RASSF3: variants seen among roughly 807,000 people sequenced by gnomAD.
RASSF3 encodes the protein Ras association domain family member 3.
RASSF3 carries 19 observed loss-of-function variants against 19.9 expected under a neutral mutation model. That is an observed-to-expected ratio of 0.96 (90% confidence interval 0.67 to 1.40). The LOEUF (loss-of-function observed/expected upper bound fraction) is 1.40. Ranked by LOEUF, RASSF3 falls within the 40% of genes most tolerant of loss-of-function variation. The pLI, the probability that RASSF3 is intolerant of heterozygous loss-of-function variation, is 0.00. For missense variants in RASSF3, 306 were observed against 289.8 expected (o/e 1.06, Z -0.41); for synonymous variants, 110 against 104.2 (o/e 1.06, Z -0.34).
chr12:64,682,352 A>G (rs1873159878), intron 1 of RASSF3, among the ~76,000 whole-genome samples: 1 of 152,106 alleles, frequency 6.6e-6, no homozygotes, highest in Admixed American at 6.5e-5. Flanking sequence ...CGGGCGGATC[A>G]CAAGGTCAGG....
chr12:64,568,903 G>T (rs1046407406), intron 2 of RASSF3, among the ~76,000 whole-genome samples: 1 of 152,022 alleles, frequency 6.6e-6, no homozygotes, highest in African/African-American at 2.4e-5. Flanking sequence ...GTAGAGACAG[G>T]GTTTCACCAT....
upstream of RASSF3, among the ~76,000 whole-genome samples, chr12:64,528,947 G>A (rs1273700587): frequency 6.6e-6 from 1 of 152,218 alleles, no homozygotes; most frequent in African/African-American, 2.4e-5. Context: ...AGGTTACTCA[G>A]CCTTTCGGAA....
intron 2 of RASSF3, among the ~76,000 whole-genome samples, chr12:64,588,789 T>C (rs550228686): frequency 1.8e-4 from 28 of 152,304 alleles, no homozygotes; most frequent in African/African-American, 6.7e-4. Flanking sequence ...AATGAGCATT[T>C]CTCCGTGGTT....
At chr12:64,582,544 C>A (rs1444926109) in intron 2 of RASSF3, among the ~76,000 whole-genome samples, 2 of 152,152 alleles carry the variant, frequency 1.3e-5, no homozygotes, top group African/African-American at 4.8e-5. Flanking sequence ...AGATTGGAAA[C>A]AAAGTCTCGT....
intron 2 of RASSF3, among the ~76,000 whole-genome samples, chr12:64,563,411 C>T (rs1224138027): frequency 6.6e-6 from 1 of 152,028 alleles, no homozygotes; most frequent in East Asian, 1.9e-4. Context: ...CTCAGGTGAT[C>T]CTCCCACCTC....
At chr12:64,536,058 G>A (rs569979892) in intron 1 of RASSF3, among the ~76,000 whole-genome samples, 1 of 146,226 alleles carries the variant, frequency 6.8e-6, no homozygotes, top group Admixed American at 7.0e-5. Flanking sequence ...GAGTGCAGTG[G>A]CACAATCTCA....
chr12:64,641,414 A>ACACACACACGCGCGCGCGCGCGCGCG, intron 1 of RASSF3, among the ~76,000 whole-genome samples: 1 of 142,100 alleles, frequency 7.0e-6, no homozygotes, highest in African/African-American at 2.8e-5. Flanking sequence ...ACACACACAC[A>ACACACACACGCGCGCGCGCGCGCGCG]CGCGCGCGCG....
chr12:64,681,640 T>G (rs1394487536), intron 1 of RASSF3, among the ~76,000 whole-genome samples: 2 of 152,246 alleles, frequency 1.3e-5, no homozygotes, highest in African/African-American at 4.8e-5. Context: ...CTACCTCATT[T>G]TCTTCTTCAG....
In RASSF3 at chr12:64,642,961, G is replaced by T. The variant is rs77993948; in HGVS notation, c.111+32218G>T. On this transcript the variant is annotated intron_variant, in intron 1 of 4. Coordinates refer to ENST00000542104, the MANE Select transcript of RASSF3 (RefSeq NM_178169.4). ...GCTCACTGCAACCTCCGCCTCTGGGGTTCAAGTGATTCTCGTGCCTCAGCC... is the reference window on the plus strand; with the variant it reads ...GCTCACTGCAACCTCCGCCTCTGGGTTTCAAGTGATTCTCGTGCCTCAGCC... Among the ~76,000 whole-genome samples the T allele has an allele frequency of 7.0e-3, 1,067 of 151,882 alleles. 15 individuals carry two copies. The highest frequency in any genetic ancestry group is 0.025 in the African/African-American group (1,026 of 41,368).
At chr12:64,643,703 G>T (rs1797699) in intron 1 of RASSF3, among the ~76,000 whole-genome samples, 1,735 of 152,098 alleles carry the variant, frequency 0.011, 41 homozygotes, top group African/African-American at 0.04. Context: ...TGTTTTTTCT[G>T]TCCTACAACT....
chr12:64,585,987 C>T (rs111335156), intron 2 of RASSF3, among the ~76,000 whole-genome samples: 49 of 152,222 alleles, frequency 3.2e-4, no homozygotes, highest in African/African-American at 1.2e-3. Flanking sequence ...TTTAGAATCT[C>T]CTGAACTAAG....
At chr12:64,640,951 A>G (rs536080465) in intron 1 of RASSF3, among the ~76,000 whole-genome samples, 2 of 151,736 alleles carry the variant, frequency 1.3e-5, no homozygotes, top group African/African-American at 4.8e-5. Flanking sequence ...TCACTCCCTC[A>G]CTCAGCCTAG....
At chr12:64,628,686 G>A (rs1198385762) in intron 1 of RASSF3, 1 of 151,978 alleles carries the variant, frequency 6.6e-6, no homozygotes, top group Non-Finnish European at 1.5e-5. Flanking sequence ...TAGTAAAGAT[G>A]GGGTTCTGCC....
chr12:64,646,574 T>G (rs923198232), intron 1 of RASSF3, among the ~76,000 whole-genome samples: 4 of 152,218 alleles, frequency 2.6e-5, no homozygotes, highest in African/African-American at 9.6e-5. Context: ...AATTTCTGAA[T>G]GGACCCTCCC....
At chr12:64,578,855 G>A (rs1869639514) in intron 2 of RASSF3, among the ~76,000 whole-genome samples, 1 of 152,122 alleles carries the variant, frequency 6.6e-6, no homozygotes, top group Admixed American at 6.6e-5. Context: ...ATAAAATCAT[G>A]CCTTTTTGGC....
At chr12:64,524,972 G>A (rs2141764) in intron 1 of RASSF3, among the ~76,000 whole-genome samples, 1 of 151,990 alleles carries the variant, frequency 6.6e-6, no homozygotes, top group Non-Finnish European at 1.5e-5. Flanking sequence ...TTGCTCTACA[G>A]CTCTTTGAAA....
At chr12:64,595,067 T>C (rs1869978571) in intron 2 of RASSF3, among the ~76,000 whole-genome samples, 1 of 135,820 alleles carries the variant, frequency 7.4e-6, no homozygotes, top group African/African-American at 2.8e-5. Context: ...ATGAAATCTT[T>C]TTTTTTTTTT....
chr12:64,649,588 C>T (rs1330595459), intron 1 of RASSF3, among the ~76,000 whole-genome samples: 1 of 152,184 alleles, frequency 6.6e-6, no homozygotes, highest in African/African-American at 2.4e-5. Context: ...CTAGGGTACC[C>T]GGTTAGGACA....
intron 2 of RASSF3, among the ~76,000 whole-genome samples, chr12:64,575,238 T>C (rs1366366021): frequency 6.6e-6 from 1 of 152,198 alleles, no homozygotes; most frequent in Non-Finnish European, 1.5e-5. Context: ...GTAACAAAAA[T>C]AATTGTAAAC....
Sources: gnomAD v4.1 joint callset for allele counts (sites outside exome capture counted in the v4.1 genomes callset) on GRCh38, gnomAD v4.1.1 for gene constraint, MANE v1.5 for transcripts, NCBI Gene and HGNC (gene_info 2026-07-23, HGNC 2026-07-21) for gene names.